WWOX: variants seen among roughly 807,000 people sequenced by gnomAD.
The protein encoded by WWOX is WW domain containing oxidoreductase.
WWOX carries 69 observed loss-of-function variants against 46.2 expected under a neutral mutation model. The observed-to-expected ratio is 1.49, with a 90% CI of 1.23 to 1.82. The LOEUF is 1.82. Ranked by LOEUF, WWOX falls within the 40% of genes most tolerant of loss-of-function variation. The pLI, the probability that WWOX is intolerant of heterozygous loss-of-function variation, is 0.00. For missense variants in WWOX, 919 were observed against 542.6 expected (o/e 1.69, Z -6.89); for synonymous variants, 359 against 202.6 (o/e 1.77, Z -6.56).
At chr16:79,155,165 C>A (rs2050356619) in intron 8 of WWOX, among the ~76,000 whole-genome samples, 1 of 152,188 alleles carries the variant, frequency 6.6e-6, no homozygotes. Flanking sequence ...ATCATGAAGT[C>A]AAGAGATGGA....
intron 8 of WWOX, among the ~76,000 whole-genome samples, chr16:78,608,154 T>C (rs2045808574): frequency 1.3e-5 from 2 of 152,126 alleles, no homozygotes; most frequent in African/African-American, 2.4e-5. Context: ...AGGTCGTACG[T>C]TGACCATGCC....
At chr16:78,560,092 C>G (rs4036009) in intron 8 of WWOX, among the ~76,000 whole-genome samples, 2 of 152,078 alleles carry the variant, frequency 1.3e-5, no homozygotes, top group African/African-American at 4.8e-5. Context: ...ATTTTTTTCT[C>G]CCGTCTCTGC....
intron 8 of WWOX, among the ~76,000 whole-genome samples, chr16:78,614,426 C>G (rs2045973344): frequency 6.6e-6 from 1 of 152,368 alleles, no homozygotes; most frequent in East Asian, 1.9e-4. Flanking sequence ...AGCCGGGGCC[C>G]TGAGGTATCT....
Position 78,289,442 on chromosome 16 carries a change from G to T in WWOX, c.517-97418G>T, listed in dbSNP as rs576473534. 3.9e-5 allele frequency among the ~76,000 whole-genome samples: 6 copies of T among 152,256 alleles called. No homozygotes were observed. The East Asian group carries it at 1.2e-3, about 29-fold the overall frequency. On this transcript the variant is annotated intron_variant, in intron 5 of 8. Coordinates refer to ENST00000566780, the MANE Select transcript of WWOX (RefSeq NM_016373.4). ...ACTAATGAAAAAAAGGGGAAAAAAA[G>T]ATTATTAGGCTGCAGGGTAGTGGGA... is the stretch of plus-strand genomic sequence containing the variant.
intron 6 of WWOX, among the ~76,000 whole-genome samples, chr16:78,424,569 T>A (rs951871289): frequency 6.6e-6 from 1 of 152,206 alleles, no homozygotes; most frequent in Non-Finnish European, 1.5e-5. Context: ...GGGTGACAAC[T>A]CTTCGCAGAT....
intron 8 of WWOX, among the ~76,000 whole-genome samples, chr16:78,849,758 C>G (rs114513443): frequency 6.6e-6 from 1 of 151,328 alleles, no homozygotes; most frequent in Non-Finnish European, 1.5e-5. Flanking sequence ...TTACCTGAGC[C>G]AAAGGACCCA....
At chr16:79,158,182 T>A (rs1211449660) in intron 8 of WWOX, among the ~76,000 whole-genome samples, 1 of 152,212 alleles carries the variant, frequency 6.6e-6, no homozygotes, top group East Asian at 1.9e-4. Flanking sequence ...TATGTTGGGA[T>A]TTCATAGATG....
At chr16:78,503,322 A>G (rs1186624978) in intron 8 of WWOX, among the ~76,000 whole-genome samples, 1 of 152,168 alleles carries the variant, frequency 6.6e-6, no homozygotes. Context: ...CCTCAGGTCT[A>G]CCTATAAGTA....
chr16:79,181,594 T>C (rs2050912853), intron 8 of WWOX, among the ~76,000 whole-genome samples: 2 of 152,156 alleles, frequency 1.3e-5, no homozygotes, highest in Non-Finnish European at 2.9e-5. Context: ...CTTCATCATA[T>C]AGTTGTACCA....
intron 8 of WWOX, among the ~76,000 whole-genome samples, chr16:78,756,684 C>T (rs1204381928): frequency 2.6e-5 from 4 of 152,134 alleles, no homozygotes; most frequent in Non-Finnish European, 4.4e-5. Flanking sequence ...TTCATTCTTC[C>T]GTTAAACTAC....
At chr16:79,152,833 G>T (rs1392512991) in intron 8 of WWOX, among the ~76,000 whole-genome samples, 1 of 152,132 alleles carries the variant, frequency 6.6e-6, no homozygotes. Flanking sequence ...GGTGGAGGCC[G>T]AGACAGCTTG....
chr16:79,068,978 A>G (rs1401316716), intron 8 of WWOX, among the ~76,000 whole-genome samples: 1 of 152,168 alleles, frequency 6.6e-6, no homozygotes, highest in Non-Finnish European at 1.5e-5. Context: ...GCACAGGCGT[A>G]AGATATGCAT....
At chr16:78,153,214 C>G (rs1436296566) in intron 4 of WWOX, among the ~76,000 whole-genome samples, 3 of 152,146 alleles carry the variant, frequency 2.0e-5, no homozygotes, top group Non-Finnish European at 4.4e-5. Context: ...ATTAGCTAGT[C>G]ATTGCAGATG....
At chr16:78,525,025 T>C (rs1459681859) in intron 8 of WWOX, among the ~76,000 whole-genome samples, 2 of 150,824 alleles carry the variant, frequency 1.3e-5, no homozygotes, top group East Asian at 4.0e-4. Flanking sequence ...GCCACCACAC[T>C]TGGCTACTTG....
chr16:79,181,261 A>C (rs528366345), intron 8 of WWOX, among the ~76,000 whole-genome samples: 1 of 152,330 alleles, frequency 6.6e-6, no homozygotes, highest in Non-Finnish European at 1.5e-5. Context: ...ACACGTATAG[A>C]TCAAACAAAA....
At chr16:78,691,356 C>T (rs2047983698) in intron 8 of WWOX, 3 of 690,934 alleles carry the variant, frequency 4.3e-6, no homozygotes, top group South Asian at 3.1e-5. Flanking sequence ...TATCTTATGA[C>T]AAAGGTGACA....
chr16:78,727,072 G>A (rs7184589), intron 8 of WWOX, among the ~76,000 whole-genome samples: 6,425 of 152,248 alleles, frequency 0.042, 199 homozygotes, highest in African/African-American at 0.091. Flanking sequence ...AGTGCCCTTG[G>A]CAGACCATGC....
chr16:78,478,758 A>T (rs1333139785), intron 8 of WWOX, among the ~76,000 whole-genome samples: 3 of 152,240 alleles, frequency 2.0e-5, no homozygotes, highest in Non-Finnish European at 4.4e-5. Context: ...TGTGCTCAGC[A>T]ATCTAGCAGT....
chr16:79,104,563 T>G (rs2049269575), intron 8 of WWOX, among the ~76,000 whole-genome samples: 1 of 152,230 alleles, frequency 6.6e-6, no homozygotes, highest in African/African-American at 2.4e-5. Context: ...TATGTACGGT[T>G]AAGTATTGAT....
Sources: allele counts gnomAD v4.1 joint callset (sites outside exome capture counted in the v4.1 genomes callset), GRCh38; gene constraint gnomAD v4.1.1; transcripts MANE v1.5; gene names NCBI Gene and HGNC (gene_info 2026-07-23, HGNC 2026-07-21).